Variants in SLIT3 observed in about 807,000 individuals in gnomAD.
SLIT3 encodes the protein slit homolog 3 protein.
SLIT3 carries 68 observed loss-of-function variants against 184.0 expected under a neutral mutation model. The ratio of observed to expected loss-of-function variants is 0.37; its 90% CI spans 0.30 to 0.45. The LOEUF (loss-of-function observed/expected upper bound fraction) is 0.45, where lower values mean the gene tolerates loss of function less well. Ranked by LOEUF, SLIT3 falls within the 20% of genes least tolerant of loss-of-function variation. The pLI is 1.00. For synonymous variants in SLIT3, 831 were observed against 828.6 expected, an observed-to-expected ratio of 1.00 and a Z score of -0.05; for missense variants, 1,707 against 2,026.0, an observed-to-expected ratio of 0.84 and a Z score of 3.02.
At chr5:169,018,606 A>T (rs1311479365) in intron 4 of SLIT3, 1 of 152,280 alleles carries the variant, frequency 6.6e-6, no homozygotes, top group East Asian at 1.9e-4. Flanking sequence ...CGTGAGCGCA[A>T]GAGTCCTATC....
intron 4 of SLIT3, chr5:169,017,802 G>C (rs532445416): frequency 2.0e-5 from 3 of 152,318 alleles, no homozygotes; most frequent in South Asian, 2.1e-4. Flanking sequence ...GTGTGTCCAA[G>C]CATCTCCTAA....
intron 29 of SLIT3, among the ~76,000 whole-genome samples, chr5:168,691,640 A>T (rs1459401842): frequency 6.6e-6 from 1 of 152,188 alleles, no homozygotes; most frequent in Non-Finnish European, 1.5e-5. Flanking sequence ...GGGTCTGCTA[A>T]CATCCTGGGG....
At chr5:168,898,658 G>GT (rs1409447054) in intron 4 of SLIT3, among the ~76,000 whole-genome samples, 2 of 152,274 alleles carry the variant, frequency 1.3e-5, no homozygotes, top group South Asian at 4.1e-4. Flanking sequence ...ACTGTAGCCA[G>GT]TTTTTTTCTT....
chr5:168,747,165 C>T (rs971979530), intron 20 of SLIT3, among the ~76,000 whole-genome samples: 2 of 152,128 alleles, frequency 1.3e-5, no homozygotes, highest in African/African-American at 4.8e-5. Context: ...CTGCCCCTCA[C>T]CCCTCAGATT....
chr5:169,062,713 A>G (rs1191300001), intron 4 of SLIT3, among the ~76,000 whole-genome samples: 1 of 152,224 alleles, frequency 6.6e-6, no homozygotes, highest in Non-Finnish European at 1.5e-5. Flanking sequence ...TGTAAATTCC[A>G]TAAGAGCACA....
chr5:168,743,474 T>C (rs1010106418), intron 20 of SLIT3, among the ~76,000 whole-genome samples: 2 of 152,248 alleles, frequency 1.3e-5, no homozygotes, highest in African/African-American at 2.4e-5. Flanking sequence ...TCAAAGATGA[T>C]GAATTTAATT....
At chr5:169,131,734 G>A (rs1374652710) in intron 4 of SLIT3, among the ~76,000 whole-genome samples, 1 of 152,124 alleles carries the variant, frequency 6.6e-6, no homozygotes, top group African/African-American at 2.4e-5. Flanking sequence ...GCTTAGCTAT[G>A]CCTAAACCAT....
chr5:169,225,684 GA>G, intron 3 of SLIT3, among the ~76,000 whole-genome samples: 1 of 152,318 alleles, frequency 6.6e-6, no homozygotes, highest in South Asian at 2.1e-4. Context: ...GCTGAAAAAT[GA>G]ATGGCAGTTG....
intron 5 of SLIT3, among the ~76,000 whole-genome samples, chr5:168,865,684 T>C (rs1759273703): frequency 6.6e-6 from 1 of 152,198 alleles, no homozygotes; most frequent in African/African-American, 2.4e-5. Flanking sequence ...TGGATGCATT[T>C]TTTAGGTAGA....
chr5:169,017,565 G>C (rs1756435850), intron 4 of SLIT3, among the ~76,000 whole-genome samples: 1 of 152,218 alleles, frequency 6.6e-6, no homozygotes, highest in South Asian at 2.1e-4. Flanking sequence ...CAGCAGGGCT[G>C]AAAGGAGCAG....
chr5:169,030,942 T>C (rs977225976), intron 4 of SLIT3, among the ~76,000 whole-genome samples: 1 of 152,206 alleles, frequency 6.6e-6, no homozygotes, highest in Non-Finnish European at 1.5e-5. Context: ...CCTCGGGCTC[T>C]TGCATGCTTC....
chr5:169,233,200 T>A (rs905533775), intron 3 of SLIT3, among the ~76,000 whole-genome samples: 2 of 152,086 alleles, frequency 1.3e-5, no homozygotes, highest in African/African-American at 4.8e-5. Context: ...TAATTTTTTA[T>A]TACTAGTAGA....
intron 4 of SLIT3, among the ~76,000 whole-genome samples, chr5:169,005,129 G>T (rs182688674): frequency 7.9e-5 from 12 of 152,170 alleles, no homozygotes; most frequent in African/African-American, 2.9e-4. Context: ...TATGCAGATT[G>T]TTTTTAAAAC....
intron 1 of SLIT3, among the ~76,000 whole-genome samples, chr5:169,294,778 A>G (rs1261530313): frequency 6.6e-6 from 1 of 152,198 alleles, no homozygotes; most frequent in Non-Finnish European, 1.5e-5. Flanking sequence ...GGTCTAGCCT[A>G]CTATACGTCT....
At chr5:169,093,474 G>A (rs1759664167) in intron 4 of SLIT3, among the ~76,000 whole-genome samples, 1 of 152,032 alleles carries the variant, frequency 6.6e-6, no homozygotes, top group Non-Finnish European at 1.5e-5. Flanking sequence ...GGGGCTTGGG[G>A]GTGGGGGTGG....
At chr5:169,105,354 G>C (rs572200068) in intron 4 of SLIT3, among the ~76,000 whole-genome samples, 1 of 152,276 alleles carries the variant, frequency 6.6e-6, no homozygotes, top group East Asian at 1.9e-4. Flanking sequence ...GATCGAGGAG[G>C]CTTTTCTTTT....
intron 4 of SLIT3, among the ~76,000 whole-genome samples, chr5:169,085,284 G>C (rs551229942): frequency 6.6e-6 from 1 of 152,156 alleles, no homozygotes; most frequent in African/African-American, 2.4e-5. Flanking sequence ...GAGAACGGCT[G>C]GTCCAATTTC....
At position 169,030,603 on chromosome 5, in the gene SLIT3, T is replaced by C. The variant is rs1756994392; in HGVS notation, c.414-147267A>G. 1.3e-5 allele frequency: 2 copies of C among 152,368 alleles called. 1 individual carries two copies. Among genetic ancestry groups the C allele is most frequent in the East Asian group, 3.9e-4 (2 of 5,180 alleles). The allele number at this position is 152,368 out of a possible 1,614,324, so 9.4% of individuals were successfully genotyped here. A position where few individuals can be genotyped will look rare whatever the true frequency, so the allele number is the denominator to read the frequency against. ...TTTATGTCTTTGGAATGTTTTTGTATCTATGGAAATCAGTGCATCTTCCTT... is the reference window on the plus strand; with the variant it reads ...TTTATGTCTTTGGAATGTTTTTGTACCTATGGAAATCAGTGCATCTTCCTT... On this transcript the variant is annotated intron_variant, in intron 4 of 35. Coordinates refer to ENST00000519560, the MANE Select transcript of SLIT3 (RefSeq NM_003062.4).
chr5:168,826,326 C>A (rs1581121355), intron 6 of SLIT3, among the ~76,000 whole-genome samples: 1 of 152,180 alleles, frequency 6.6e-6, no homozygotes, highest in Admixed American at 6.5e-5. Context: ...GGGTTGGTAA[C>A]CTCTCAGACG....
Sources: gnomAD v4.1 joint callset for allele counts (sites outside exome capture counted in the v4.1 genomes callset) on GRCh38, gnomAD v4.1.1 for gene constraint, MANE v1.5 for transcripts, NCBI Gene and HGNC (gene_info 2026-07-23, HGNC 2026-07-21) for gene names.